RCBTB1: variants seen among roughly 807,000 people sequenced by gnomAD.
The protein encoded by RCBTB1 is RCC1 and BTB domain containing protein 1, also known as RCC1 and BTB domain-containing protein 1.
A neutral mutation model predicts 62.4 loss-of-function variants in RCBTB1; 46 were observed. The ratio of observed to expected loss-of-function variants is 0.74; its 90% CI spans 0.58 to 0.94. The LOEUF (loss-of-function observed/expected upper bound fraction) is 0.94. Among genes scored for constraint, RCBTB1 ranks in the 40% least tolerant of loss-of-function variants. The pLI, the probability that RCBTB1 is intolerant of heterozygous loss-of-function variation, is 0.00. For missense variants in RCBTB1, 565 were observed against 654.9 expected, an observed-to-expected ratio of 0.86 and a Z score of 1.50; for synonymous variants, 222 against 245.8, an observed-to-expected ratio of 0.90 and a Z score of 0.91.
chr13:49,560,130 T>G (rs1299386518), intron 4 of RCBTB1, 46 bp from the exon 5 acceptor site: 3 of 1,597,362 alleles, frequency 1.9e-6, no homozygotes, highest in Non-Finnish European at 2.6e-6. Context: ...AAAGAAATAG[T>G]AACCCTGTAC....
intron 10 of RCBTB1, among the ~76,000 whole-genome samples, chr13:49,543,238 T>C (rs1043355138): frequency 6.6e-6 from 1 of 151,876 alleles, no homozygotes; most frequent in Non-Finnish European, 1.5e-5. Flanking sequence ...CACTCTAGCC[T>C]GGGTGACAGA....
At chr13:49,542,092 T>A (rs1960414185) in intron 10 of RCBTB1, among the ~76,000 whole-genome samples, 1 of 151,644 alleles carries the variant, frequency 6.6e-6, no homozygotes, top group African/African-American at 2.4e-5. Context: ...TGCATGCCTA[T>A]AATCCCAGCT....
chr13:49,549,990 CTT>C, intron 8 of RCBTB1: 4 of 760,040 alleles, frequency 5.3e-6, no homozygotes, highest in South Asian at 1.2e-4. Flanking sequence ...AATACCATTT[CTT>C]TTTTTTTTCT....
intron 9 of RCBTB1, chr13:49,546,865 G>A (rs752816591): frequency 1.7e-5 from 13 of 783,686 alleles, no homozygotes; most frequent in African/African-American, 1.9e-5. Flanking sequence ...GTTAATAACA[G>A]GCCACGGACC....
intron 4 of RCBTB1, among the ~76,000 whole-genome samples, chr13:49,560,909 G>A (rs757803994): frequency 6.6e-6 from 1 of 152,166 alleles, no homozygotes; most frequent in African/African-American, 2.4e-5. Flanking sequence ...GATGAGGGGT[G>A]CACGGAGCTC....
chr13:49,566,777 T>A lies in RCBTB1; in HGVS notation c.127-9A>T. The A allele has an allele frequency of 6.3e-7, 1 of 1,591,872 alleles. No individual in the cohort carries two copies. The highest frequency in any genetic ancestry group is 8.5e-7 in the Non-Finnish European group (1 of 1,171,474). On this transcript the variant is annotated splice_polypyrimidine_tract_variant and intron_variant, in intron 3 of 12. Transcript: ENST00000378302. ...AGTCCAAATACAAAGACCTAGAAAA[T>A]AGATAGTTTTTTTTCTGAGTCTTTT...
rs113721606 is a variant in RCBTB1 at position 49,547,852 on chromosome 13, G to C, written c.1045+1606C>G. Among the ~76,000 whole-genome samples, 1,363 of 152,172 alleles carry C rather than the reference G, an allele frequency of 9.0e-3. 13 individuals carry two copies. The highest frequency in any genetic ancestry group is 0.031 in the African/African-American group (1,300 of 41,524). ...CACCCAGGCTGGAGTGCAGTGGTGC[G>C]ACCACAGTTCACTGCAGCCTTGACC... On this transcript the variant is annotated intron_variant, in intron 9 of 12. Transcript: ENST00000378302.
rs574351630 is a variant in RCBTB1 at position 49,580,546 on chromosome 13, C to T, written c.-83G>A. ...GAGGCTGCAGTGAGCCGTGTTCACACCACTGTATTCCAGTCTGGGCAAGAG... is the reference window on the plus strand; with the variant it reads ...GAGGCTGCAGTGAGCCGTGTTCACATCACTGTATTCCAGTCTGGGCAAGAG... On this transcript the variant is annotated 5_prime_UTR_variant, in exon 2 of 13. It adds an upstream start codon to the 5' untranslated region. Transcript: ENST00000378302. 1.3e-5 allele frequency: 2 copies of T among 152,346 alleles called. No individual in the cohort carries two copies. The highest frequency in any genetic ancestry group is 3.9e-4 in the East Asian group (2 of 5,186). 9.4% of individuals were successfully genotyped at this position (152,346 alleles called of 1,614,324 possible).
intron 12 of RCBTB1, among the ~76,000 whole-genome samples, chr13:49,538,688 C>A (rs1377394223): frequency 1.3e-5 from 2 of 151,608 alleles, no homozygotes; most frequent in Non-Finnish European, 2.9e-5. Flanking sequence ...TGTGCTTCAG[C>A]CTGGGCAACA....
intron 2 of RCBTB1, among the ~76,000 whole-genome samples, chr13:49,569,243 C>A (rs1204319589): frequency 6.6e-6 from 1 of 152,034 alleles, no homozygotes; most frequent in Non-Finnish European, 1.5e-5. Context: ...TATAAGTATT[C>A]TTTGTATGGT....
rs749308756 is a variant in RCBTB1 at position 49,544,785 on chromosome 13, C to T, written c.1124G>A (p.Arg375Gln). The T allele has an allele frequency of 6.8e-6, 11 of 1,611,198 alleles. No homozygotes were observed. Among genetic ancestry groups the T allele is most frequent in the African/African-American group, 5.3e-5 (4 of 74,856 alleles). The change falls in exon 10 of 13, where the codon CGA becomes CAA. Residue 375 changes from arginine (R) to glutamine (Q), a missense_variant. Coordinates refer to ENST00000378302, the MANE Select transcript of RCBTB1 (RefSeq NM_018191.4). ...DSPETADLKFRIDGKYIHVHK... is the reference protein window; with the variant it reads ...DSPETADLKFQIDGKYIHVHK... Reference sequence around the variant, plus strand: ...GACATGAATATATTTTCCATCAATTCGAAACTTCAGATCAGCAGTTTCTGG... The same window carrying T: ...GACATGAATATATTTTCCATCAATTTGAAACTTCAGATCAGCAGTTTCTGG...
In RCBTB1 at chr13:49,533,427, G is replaced by A. The variant is rs936900784; in HGVS notation, c.*695C>T. ...ATTTCTTTCATTATCAACTTTTCAC[G>A]GATACTTCTAAATTACTATTCTTTA... On this transcript the variant is annotated 3_prime_UTR_variant, in exon 13 of 13. Coordinates refer to ENST00000378302, the MANE Select transcript of RCBTB1 (RefSeq NM_018191.4). The A allele has an allele frequency of 3.9e-5, 6 of 151,938 alleles. No homozygotes were observed. Among genetic ancestry groups the A allele is most frequent in the African/African-American group, 1.5e-4 (6 of 41,330 alleles). 9.4% of individuals were successfully genotyped at this position (151,938 alleles called of 1,614,324 possible). A position where few individuals can be genotyped will look rare whatever the true frequency, so the allele number is the denominator to read the frequency against.
rs145971135 is a variant in RCBTB1, at chr13:49,561,239, G to T, written c.278-1155C>A. On this transcript the variant is annotated intron_variant, in intron 4 of 12. Coordinates refer to ENST00000378302, the MANE Select transcript of RCBTB1 (RefSeq NM_018191.4). Reference sequence around the variant, plus strand: ...CAACAGCAGAAATCCAAGTATTACAGTTAGGCTGCTGGTCACTCACAGCAG... The same window carrying T: ...CAACAGCAGAAATCCAAGTATTACATTTAGGCTGCTGGTCACTCACAGCAG... Among the ~76,000 whole-genome samples, 158 of 152,270 alleles carry T rather than the reference G, an allele frequency of 1.0e-3. 1 individual carries two copies. The highest frequency in any genetic ancestry group is 2.7e-3 in the South Asian group (13 of 4,824).
chr13:49,559,162 T>A lies in RCBTB1; in HGVS notation c.444+756A>T, dbSNP rs549333530. Among the ~76,000 whole-genome samples, 12 of 152,314 alleles carry A rather than the reference T, an allele frequency of 7.9e-5. No homozygotes were observed. The East Asian group carries it at 2.3e-3, about 29-fold the overall frequency. ...AGTTTCCAAGAATCTATCAATGACA[T>A]TATGTGGGCACTTACTATATGTATC... On this transcript the variant is annotated intron_variant, in intron 5 of 12. Coordinates refer to ENST00000378302, the MANE Select transcript of RCBTB1 (RefSeq NM_018191.4).
At chr13:49,575,057 G>A (rs1963682357) in intron 2 of RCBTB1, among the ~76,000 whole-genome samples, 2 of 152,190 alleles carry the variant, frequency 1.3e-5, no homozygotes, top group Admixed American at 1.3e-4. Flanking sequence ...GGTGCCAGGA[G>A]CTGGGGGGAG....
At chr13:49,534,383 G>T in intron 12 of RCBTB1, 121 bp from the exon 13 acceptor site, 1 of 1,013,478 alleles carries the variant, frequency 9.9e-7, no homozygotes, top group Non-Finnish European at 1.4e-6. Context: ...TATTTGAGAG[G>T]CCAGATACCT....
chr13:49,560,526 GAGAT>G (rs1325253356), intron 4 of RCBTB1, among the ~76,000 whole-genome samples: 2 of 152,164 alleles, frequency 1.3e-5, no homozygotes, highest in Non-Finnish European at 2.9e-5. Context: ...ATAGGGGAAA[GAGAT>G]AGACTGTTTA....
chr13:49,549,633 T>A lies in RCBTB1; in HGVS notation c.870A>T (p.Ala290=). The A allele has an allele frequency of 6.2e-7, 1 of 1,611,226 alleles. No individual in the cohort carries two copies. Among genetic ancestry groups the A allele is most frequent in the Non-Finnish European group, 8.5e-7 (1 of 1,178,248 alleles). ...MVEKERVVEI[A]ACHSAHTSAA... ...CAGACGTGTGGGCAGAGTGACAGGCTGCAATCTCTACCACCCTGAAAAGTT... is the reference window on the plus strand; with the variant it reads ...CAGACGTGTGGGCAGAGTGACAGGCAGCAATCTCTACCACCCTGAAAAGTT... Residue 290 remains alanine, a synonymous_variant, in exon 9 of 13, where the codon GCA becomes GCT. Transcript: ENST00000378302.
intron 12 of RCBTB1, among the ~76,000 whole-genome samples, chr13:49,540,311 T>A (rs1277580828): frequency 2.0e-5 from 3 of 152,108 alleles, no homozygotes; most frequent in African/African-American, 7.2e-5. Flanking sequence ...ACTTTCAGAC[T>A]CCCCAAAGCC....
Sources: allele counts gnomAD v4.1 joint callset (sites outside exome capture counted in the v4.1 genomes callset), GRCh38; gene constraint gnomAD v4.1.1; transcripts MANE v1.5; gene names NCBI Gene and HGNC (gene_info 2026-07-23, HGNC 2026-07-21).